MPRIP: variants seen among roughly 807,000 people sequenced by gnomAD.
MPRIP encodes the protein myosin phosphatase Rho interacting protein.
In MPRIP, 59 loss-of-function variants were observed where a neutral mutation model predicts 234.9. That is an observed-to-expected ratio of 0.25 (90% CI 0.20 to 0.31). The LOEUF is 0.31. MPRIP is among the 10% of genes least tolerant of loss of function. MPRIP has a pLI of 1.00. For missense variants in MPRIP, 2,436 were observed against 3,071.0 expected, an observed-to-expected ratio of 0.79 and a Z score of 4.89; for synonymous variants, 1,144 against 1,263.9, an observed-to-expected ratio of 0.91 and a Z score of 2.01.
At chr17:17,127,061 C>T (rs551666115) in intron 4 of MPRIP, among the ~76,000 whole-genome samples, 12 of 152,320 alleles carry the variant, frequency 7.9e-5, no homozygotes, top group African/African-American at 2.6e-4. Context: ...CTCTGGGGCC[C>T]CTCTTTGCTC....
At chr17:17,124,152 G>A (rs1391523245) in intron 3 of MPRIP, among the ~76,000 whole-genome samples, 1 of 152,194 alleles carries the variant, frequency 6.6e-6, no homozygotes, top group Non-Finnish European at 1.5e-5. Flanking sequence ...ATACTCATTT[G>A]GTGAGGCTGA....
chr17:17,108,976 C>T (rs1304823147), intron 3 of MPRIP, among the ~76,000 whole-genome samples: 1 of 152,244 alleles, frequency 6.6e-6, no homozygotes, highest in South Asian at 2.1e-4. Flanking sequence ...TTCTCCAGTG[C>T]AACTTCTCCC....
intron 3 of MPRIP, among the ~76,000 whole-genome samples, chr17:17,085,540 T>G (rs1201333512): frequency 6.6e-6 from 1 of 152,204 alleles, no homozygotes; most frequent in Non-Finnish European, 1.5e-5. Context: ...TACAGTCAGG[T>G]GCTGCTTTAT....
intron 20 of MPRIP, among the ~76,000 whole-genome samples, chr17:17,175,620 C>T (rs2046238597): frequency 6.6e-6 from 1 of 152,210 alleles, no homozygotes; most frequent in Non-Finnish European, 1.5e-5. Context: ...GAGTGGAGCC[C>T]TCGAGGGGCT....
In MPRIP at chr17:17,043,032, G is replaced by A. The variant is rs1041435942; in HGVS notation, c.123+61G>A. 3 of 1,516,430 alleles carry A rather than the reference G, an allele frequency of 2.0e-6. No homozygotes were observed. In the African/African-American group the frequency reaches 4.2e-5, roughly 21 times the overall value. 93.9% of individuals were successfully genotyped at this position (1,516,430 alleles called of 1,614,324 possible). A position where few individuals can be genotyped will look rare whatever the true frequency, so the allele number is the denominator to read the frequency against. On this transcript the variant is annotated intron_variant, in intron 1 of 23. Coordinates refer to ENST00000651222, the MANE Select transcript of MPRIP (RefSeq NM_001364716.4). ...TGGGAGCCGCGGGTCGGCGGCCGGG[G>A]CGCCGCCAAGGGCTGCAGGGAAAAT...
At chr17:17,174,173 C>T in intron 19 of MPRIP, 98 bp downstream of exon 19, 1 of 1,417,924 alleles carries the variant, frequency 7.1e-7, no homozygotes, top group Non-Finnish European at 9.5e-7. Context: ...GGAGCCAGGC[C>T]TCACCCTCAA....
intron 8 of MPRIP, 130 bp downstream of exon 8, chr17:17,142,895 C>G (rs2045361484): frequency 9.8e-7 from 1 of 1,021,534 alleles, no homozygotes; most frequent in South Asian, 1.7e-5. Context: ...ACCACCTCCT[C>G]TGCATAGTGA....
chr17:17,094,621 C>CTT (rs759404428), intron 3 of MPRIP, among the ~76,000 whole-genome samples: 6 of 134,724 alleles, frequency 4.5e-5, no homozygotes, highest in African/African-American at 1.4e-4. Flanking sequence ...TCTTCACTGT[C>CTT]TTTTTTTTTT....
At chr17:17,143,813 A>C (rs903363265) in intron 9 of MPRIP, 144 bp downstream of exon 9, 2 of 457,866 alleles carry the variant, frequency 4.4e-6, no homozygotes, top group African/African-American at 2.0e-5. Flanking sequence ...CCACCCACCG[A>C]CCCACAGGCC....
intron 3 of MPRIP, among the ~76,000 whole-genome samples, chr17:17,117,238 G>A (rs1268407991): frequency 6.6e-6 from 1 of 152,234 alleles, no homozygotes; most frequent in African/African-American, 2.4e-5. Flanking sequence ...AGGCGGCACG[G>A]GTGTGCCATC....
intron 3 of MPRIP, among the ~76,000 whole-genome samples, chr17:17,079,332 T>C (rs1321751873): frequency 4.6e-5 from 7 of 152,206 alleles, no homozygotes; most frequent in Non-Finnish European, 7.3e-5. Flanking sequence ...AGGGGGTTTT[T>C]GCTATGGGAA....
chr17:17,175,321 T>C lies in MPRIP; in HGVS notation c.6779T>C (p.Ile2260Thr). ...CTGAACAACCGCCTGGCTGCAGAGATCACACGGTTGCGGACGCTGCTGACT... is the reference window on the plus strand; with the variant it reads ...CTGAACAACCGCCTGGCTGCAGAGACCACACGGTTGCGGACGCTGCTGACT... The part of the protein sequence containing the change: ...QELNNRLAAE[I>T]TRLRTLLTGD... Residue 2260 changes from isoleucine (I) to threonine (T), a missense_variant, in exon 20 of 24, where the codon ATC (isoleucine) becomes ACC (threonine). Around this residue, in one of 4 missense-constraint regions of MPRIP, gnomAD observed 1,998 missense variants for 2,520.3 expected, o/e 0.79. Coordinates refer to ENST00000651222, the MANE Select transcript of MPRIP (RefSeq NM_001364716.4). 1 of 1,613,538 alleles carries C rather than the reference T, an allele frequency of 6.2e-7. No homozygotes were observed. The highest frequency in any genetic ancestry group is 8.5e-7 in the Non-Finnish European group (1 of 1,179,994).
intron 3 of MPRIP, among the ~76,000 whole-genome samples, chr17:17,106,499 G>A (rs556537437): frequency 1.4e-4 from 21 of 152,260 alleles, no homozygotes; most frequent in African/African-American, 4.3e-4. Context: ...ACAGAGCTTG[G>A]TGCTTTGAGA....
At chr17:17,147,295 C>A in intron 10 of MPRIP, 24 bp from the exon 11 acceptor site, 1 of 1,612,412 alleles carries the variant, frequency 6.2e-7, no homozygotes, top group South Asian at 1.1e-5. Flanking sequence ...GTAGTCGAGT[C>A]ATTTTTCTTT....
intron 6 of MPRIP, among the ~76,000 whole-genome samples, chr17:17,136,991 G>T (rs2090714474): frequency 6.6e-6 from 1 of 152,172 alleles, no homozygotes; most frequent in Non-Finnish European, 1.5e-5. Context: ...CCAGGCTCTA[G>T]AGGGCTCTGT....
intron 22 of MPRIP, among the ~76,000 whole-genome samples, chr17:17,179,008 A>C (rs564937144): frequency 2.6e-5 from 4 of 152,224 alleles, no homozygotes; most frequent in Non-Finnish European, 5.9e-5. Context: ...CAACACAGCA[A>C]GAATCTGTCT....
At chr17:17,143,458 G>A (rs2045375563) in intron 8 of MPRIP, 98 bp from the exon 9 acceptor site, 3 of 710,406 alleles carry the variant, frequency 4.2e-6, no homozygotes, top group Non-Finnish European at 6.6e-6. Context: ...CAGGAGCAAG[G>A]CCCTGGCGGC....
chr17:17,070,224 G>T (rs2089160517), intron 1 of MPRIP, among the ~76,000 whole-genome samples: 1 of 151,964 alleles, frequency 6.6e-6, no homozygotes, highest in Non-Finnish European at 1.5e-5. Flanking sequence ...CTTTAGTTTA[G>T]TTATTGTATG....
intron 3 of MPRIP, among the ~76,000 whole-genome samples, chr17:17,114,630 C>G (rs939608916): frequency 6.6e-6 from 1 of 152,172 alleles, no homozygotes; most frequent in Non-Finnish European, 1.5e-5. Context: ...GCTAGCTGAC[C>G]ATTGTGGTGG....
Sources: allele counts gnomAD v4.1 joint callset (sites outside exome capture counted in the v4.1 genomes callset), GRCh38; gene constraint gnomAD v4.1.1; regional missense constraint gnomAD v4.1.1; transcripts MANE v1.5; gene names NCBI Gene and HGNC (gene_info 2026-07-23, HGNC 2026-07-21).